ADGRG7: variants seen among roughly 807,000 people sequenced by gnomAD.
ADGRG7 encodes the protein G-protein coupled receptor 128.
A neutral mutation model predicts 88.6 loss-of-function variants in ADGRG7; 82 were observed. The observed-to-expected ratio is 0.93, with a 90% CI of 0.77 to 1.11. ADGRG7 has a LOEUF of 1.11. Ranked by LOEUF, ADGRG7 falls within the 50% of genes most tolerant of loss-of-function variation. The pLI is 0.00. For missense variants in ADGRG7, 945 were observed against 953.4 expected, an observed-to-expected ratio of 0.99 and a Z score of 0.12; for synonymous variants, 381 against 345.2, an observed-to-expected ratio of 1.10 and a Z score of -1.15.
At chr3:100,627,891 C>T (rs149465263) in intron 1 of ADGRG7, among the ~76,000 whole-genome samples, 3 of 152,008 alleles carry the variant, frequency 2.0e-5, no homozygotes, top group Non-Finnish European at 4.4e-5. Flanking sequence ...TTCTCTTTTC[C>T]CCTTCTAGGA....
intron 15 of ADGRG7, among the ~76,000 whole-genome samples, chr3:100,690,128 C>T (rs953286822): frequency 1.3e-5 from 2 of 152,212 alleles, no homozygotes; most frequent in Non-Finnish European, 2.9e-5. Flanking sequence ...TTCATTTCAT[C>T]TTCCATCGCT....
intron 1 of ADGRG7, among the ~76,000 whole-genome samples, chr3:100,625,805 G>C (rs1707372232): frequency 6.6e-6 from 1 of 152,140 alleles, no homozygotes; most frequent in African/African-American, 2.4e-5. Context: ...TTTTGTCATT[G>C]GTTCTGTTTA....
At chr3:100,634,345 C>T (rs1707501845) in intron 4 of ADGRG7, among the ~76,000 whole-genome samples, 1 of 152,084 alleles carries the variant, frequency 6.6e-6, no homozygotes, top group Non-Finnish European at 1.5e-5. Context: ...TAATTATAGC[C>T]AATAACACTT....
At chr3:100,687,588 G>T (rs1034382583) in intron 15 of ADGRG7, among the ~76,000 whole-genome samples, 1 of 151,988 alleles carries the variant, frequency 6.6e-6, no homozygotes, top group African/African-American at 2.4e-5. Context: ...TAGCACGAAG[G>T]GTTGTTGAAT....
intron 1 of ADGRG7, among the ~76,000 whole-genome samples, chr3:100,623,265 A>C (rs1227524781): frequency 6.6e-6 from 1 of 152,208 alleles, no homozygotes; most frequent in East Asian, 1.9e-4. Flanking sequence ...AGTCCACCTC[A>C]GACTGAGTTT....
chr3:100,688,604 A>T (rs549156008), intron 15 of ADGRG7, among the ~76,000 whole-genome samples: 1 of 152,312 alleles, frequency 6.6e-6, no homozygotes, highest in East Asian at 1.9e-4. Flanking sequence ...TTCAAAGAAC[A>T]TCTTTATTTC....
At chr3:100,623,763 A>G (rs148298856) in intron 1 of ADGRG7, among the ~76,000 whole-genome samples, 1 of 151,578 alleles carries the variant, frequency 6.6e-6, no homozygotes, top group African/African-American at 2.4e-5. Flanking sequence ...ATGTGTTCTC[A>G]TTGTTCAACT....
chr3:100,687,795 AT>A (rs1309657972), intron 15 of ADGRG7, among the ~76,000 whole-genome samples: 2 of 151,962 alleles, frequency 1.3e-5, no homozygotes, highest in African/African-American at 4.8e-5. Context: ...TTTATTGAGG[AT>A]TTTTGCATCG....
At chr3:100,633,480 TCAA>T in intron 4 of ADGRG7, 103 bp downstream of exon 4, 1 of 503,086 alleles carries the variant, frequency 2.0e-6, no homozygotes, top group Non-Finnish European at 3.4e-6. Context: ...TTTAAAACTC[TCAA>T]ATTAGTAATA....
At chr3:100,635,605 C>T in intron 4 of ADGRG7, 72 bp from the exon 5 acceptor site, 2 of 1,551,698 alleles carry the variant, frequency 1.3e-6, no homozygotes, top group Non-Finnish European at 1.7e-6. Flanking sequence ...AGCTTATTTA[C>T]CTGCAGTTGC....
intron 15 of ADGRG7, among the ~76,000 whole-genome samples, chr3:100,681,658 A>G (rs981380190): frequency 6.6e-6 from 1 of 152,084 alleles, no homozygotes; most frequent in East Asian, 1.9e-4. Context: ...TCCTCACTCT[A>G]TGCCTCCTCC....
In ADGRG7 at chr3:100,640,489, T is replaced by C. The variant is rs114645879; in HGVS notation, c.699-2777T>C. 3.5e-3 allele frequency among the ~76,000 whole-genome samples: 526 copies of C among 152,218 alleles called. 5 individuals carry two copies. Among genetic ancestry groups the C allele is most frequent in the Non-Finnish European group, 5.1e-3 (350 of 67,998 alleles). ...GTTTCTGCTGGTGAGGGCATCATAG[T>C]ACAATCAATGAGTTTAGGACTTCAC... is the stretch of plus-strand genomic sequence containing the variant. On this transcript the variant is annotated intron_variant, in intron 6 of 15. Transcript: ENST00000273352.
At chr3:100,649,564 T>G in intron 10 of ADGRG7, 131 bp from the exon 11 acceptor site, 1 of 564,160 alleles carries the variant, frequency 1.8e-6, no homozygotes, top group Non-Finnish European at 3.2e-6. Context: ...AAATATATCA[T>G]GAGCTTTACA....
intron 10 of ADGRG7, among the ~76,000 whole-genome samples, chr3:100,648,381 C>T (rs1145342): frequency 0.9 from 136,450 of 152,180 alleles, 63,077 homozygotes; most frequent in East Asian, 1. Flanking sequence ...ATGAATCTTA[C>T]GATCCTTTTT....
At chr3:100,665,889 T>C (rs2094951075) in intron 14 of ADGRG7, among the ~76,000 whole-genome samples, 1 of 152,226 alleles carries the variant, frequency 6.6e-6, no homozygotes. Flanking sequence ...TGTGATTTAA[T>C]TGTTTAATAA....
intron 15 of ADGRG7, among the ~76,000 whole-genome samples, chr3:100,680,931 C>T (rs375899735): frequency 9.9e-5 from 15 of 152,144 alleles, no homozygotes; most frequent in African/African-American, 3.4e-4. Flanking sequence ...ATCTGAACTT[C>T]ATGAAGTGTT....
intron 6 of ADGRG7, 93 bp from the exon 7 acceptor site, chr3:100,643,173 G>T: frequency 9.0e-7 from 1 of 1,112,246 alleles, no homozygotes. Flanking sequence ...ACAATTCTAT[G>T]CTCATGTCTT....
chr3:100,665,519 C>A (rs1362557262), intron 14 of ADGRG7: 1 of 465,408 alleles, frequency 2.1e-6, no homozygotes, highest in Non-Finnish European at 4.4e-6. Flanking sequence ...ACTTGGGCAC[C>A]TTTTTCTAGT....
At chr3:100,630,844 A>G in intron 3 of ADGRG7, 35 bp downstream of exon 3, 10 of 1,143,414 alleles carry the variant, frequency 8.7e-6, no homozygotes, top group South Asian at 1.8e-5. Flanking sequence ...TCTATGCATA[A>G]GAATTACTAT....
Sources: allele counts gnomAD v4.1 joint callset (sites outside exome capture counted in the v4.1 genomes callset), GRCh38; gene constraint gnomAD v4.1.1; transcripts MANE v1.5; gene names NCBI Gene and HGNC (gene_info 2026-07-23, HGNC 2026-07-21).